CR2: variants seen among roughly 807,000 people sequenced by gnomAD.
The protein encoded by CR2 is complement C3d receptor 2, also known as complement receptor type 2.
In CR2, 96 loss-of-function variants were observed where a neutral mutation model predicts 123.0. The observed-to-expected ratio is 0.78, with a 90% CI of 0.66 to 0.93. The LOEUF (loss-of-function observed/expected upper bound fraction) is 0.93, where lower values mean the gene tolerates loss of function less well. Ranked by LOEUF, CR2 falls within the 40% of genes least tolerant of loss-of-function variation. CR2 has a pLI of 0.00. For missense variants in CR2, 1,258 were observed against 1,361.0 expected, an observed-to-expected ratio of 0.92 and a Z score of 1.19; for synonymous variants, 484 against 469.5, an observed-to-expected ratio of 1.03 and a Z score of -0.40.
intron 1 of CR2, among the ~76,000 whole-genome samples, chr1:207,462,390 T>C (rs1368935463): frequency 6.6e-6 from 1 of 152,136 alleles, no homozygotes; most frequent in Non-Finnish European, 1.5e-5. Context: ...TGCAAGAACA[T>C]GATGTCTCTG....
At chr1:207,459,483 C>G (rs967735085) in intron 1 of CR2, among the ~76,000 whole-genome samples, 3 of 152,088 alleles carry the variant, frequency 2.0e-5, no homozygotes, top group African/African-American at 7.2e-5. Context: ...TGCTTTCTGA[C>G]TAAAATTTCA....
chr1:207,471,648 A>G (rs2102304893), intron 9 of CR2, 149 bp downstream of exon 9: 4 of 687,488 alleles, frequency 5.8e-6, no homozygotes, highest in East Asian at 5.5e-5. Flanking sequence ...CAGTTTTACC[A>G]TGTCTTTCTT....
At chr1:207,465,874 G>A (rs1658085820) in intron 1 of CR2, among the ~76,000 whole-genome samples, 1 of 152,166 alleles carries the variant, frequency 6.6e-6, no homozygotes, top group African/African-American at 2.4e-5. Flanking sequence ...CTCAAGTCAG[G>A]ACAAATCACC....
At chr1:207,469,440 T>C (rs1159146577) in intron 5 of CR2, among the ~76,000 whole-genome samples, 1 of 152,210 alleles carries the variant, frequency 6.6e-6, no homozygotes, top group Non-Finnish European at 1.5e-5. Flanking sequence ...TATGCAGACC[T>C]TCTAAGTAGG....
chr1:207,468,744 A>G, intron 3 of CR2, 29 bp downstream of exon 3: 1 of 1,613,854 alleles, frequency 6.2e-7, no homozygotes, highest in South Asian at 1.1e-5. Context: ...CTATTTTAAG[A>G]ATCTGGGCTG....
rs1173666662 is a variant in CR2 at position 207,469,164 on chromosome 1, G to A, written c.749G>A (p.Gly250Asp). The A allele has an allele frequency of 1.9e-6, 3 of 1,613,804 alleles. No individual in the cohort carries two copies. Among genetic ancestry groups the A allele is most frequent in the Non-Finnish European group, 2.5e-6 (3 of 1,179,836 alleles). ...FFCDEGYRLQ[G>D]PPSSRCVIAG... ...TCTGTCTCCAGGTATCGACTGCAAG[G>A]CCCACCTTCTAGTCGGTGTGTAATT... Residue 250 changes from glycine to aspartate, a missense_variant, in exon 5 of 20, where the codon GGC (glycine) becomes GAC (aspartate). Gly to Asp is a moderately conservative substitution (Grantham distance 94). Coordinates refer to ENST00000367057, the MANE Select transcript of CR2 (RefSeq NM_001006658.3).
At chr1:207,480,864 C>G (rs901868175) in intron 18 of CR2, among the ~76,000 whole-genome samples, 4 of 151,568 alleles carry the variant, frequency 2.6e-5, no homozygotes, top group African/African-American at 9.7e-5. Flanking sequence ...TAGGACTTTC[C>G]TCTCTATTCT....
intron 9 of CR2, chr1:207,471,864 T>A: frequency 1.2e-5 from 4 of 328,724 alleles, no homozygotes; most frequent in South Asian, 1.1e-4. Context: ...TGTGAGACCT[T>A]GGACCACTTG....
At chr1:207,478,210 G>A in intron 16 of CR2, 140 bp downstream of exon 16, 1 of 943,078 alleles carries the variant, frequency 1.1e-6, no homozygotes, top group Non-Finnish European at 1.6e-6. Flanking sequence ...GGAACTTGAA[G>A]TCAGTGGTCT....
intron 1 of CR2, among the ~76,000 whole-genome samples, chr1:207,462,302 T>C (rs1227526375): frequency 2.6e-5 from 4 of 152,102 alleles, no homozygotes; most frequent in South Asian, 4.1e-4. Flanking sequence ...GAGAAATAAA[T>C]CATAAATGCT....
chr1:207,469,251 G>T lies in CR2; in HGVS notation c.817+19G>T, dbSNP rs778859257. ...TGTGAAGGTAGGCTAGGCAACTATG[G>T]TCTGACAGCACTGCATTCTCAGCTT... On this transcript the variant is annotated intron_variant, in intron 5 of 19. Coordinates refer to ENST00000367057, the MANE Select transcript of CR2 (RefSeq NM_001006658.3). The T allele has an allele frequency of 6.3e-7, 1 of 1,593,124 alleles. No homozygotes were observed.
rs1658357810 is a variant in CR2 at position 207,473,827 on chromosome 1, C to A, written c.2182C>A (p.Leu728Ile). 1 of 1,613,860 alleles carries A rather than the reference C, an allele frequency of 6.2e-7. No homozygotes were observed. The highest frequency in any genetic ancestry group is 1.3e-5 in the African/African-American group (1 of 74,916). ...EETCQHVRQS[L>I]QELPAGSRVE... Reference sequence around the variant, plus strand: ...AACATGCCAGCATGTGAGACAGAGTCTTCAAGAACTTCCAGCTGGTTCACG... The same window carrying A: ...AACATGCCAGCATGTGAGACAGAGTATTCAAGAACTTCCAGCTGGTTCACG... The change falls in exon 12 of 20, where the codon CTT becomes ATT. Residue 728 changes from leucine to isoleucine, a missense_variant. Physicochemically the swap from Leu to Ile is conservative, Grantham distance 5. Transcript: ENST00000367057.
chr1:207,477,531 G>A (rs1295515219), intron 15 of CR2, among the ~76,000 whole-genome samples: 1 of 152,188 alleles, frequency 6.6e-6, no homozygotes, highest in Non-Finnish European at 1.5e-5. Context: ...TGAAGAATTA[G>A]AGAGTAAAAC....
chr1:207,473,404 C>T (rs905355973), intron 10 of CR2, 141 bp from the exon 11 acceptor site: 40 of 1,119,656 alleles, frequency 3.6e-5, no homozygotes, highest in Non-Finnish European at 4.8e-5. Flanking sequence ...TTTTAAAGAG[C>T]AAACAGCATT....
At chr1:207,470,227 C>G (rs1308568611) in intron 6 of CR2, 125 bp downstream of exon 6, 1 of 1,061,076 alleles carries the variant, frequency 9.4e-7, no homozygotes, top group Admixed American at 2.3e-5. Flanking sequence ...TACATCTAAT[C>G]AATATAAATT....
chr1:207,454,554 G>T lies in CR2; in HGVS notation c.58+78G>T. ...TTTCTGTGCCGCGATGCAAAGCAGG[G>T]GGCCAAAAGCGAGACGGTGGGGGCA... On this transcript the variant is annotated intron_variant, in intron 1 of 19. Transcript: ENST00000367057. This position sits in a 1 kb window ranked among gnomAD's most constrained non-coding sequence, Gnocchi z 4.3. 8.5e-7 allele frequency: 1 copy of T among 1,176,080 alleles called. No individual in the cohort carries two copies. Among genetic ancestry groups the T allele is most frequent in the Admixed American group, 2.5e-5 (1 of 39,606 alleles). The allele number at this position is 1,176,080 out of a possible 1,614,324, so 72.9% of individuals were successfully genotyped here.
chr1:207,473,900 G>C lies in CR2; in HGVS notation c.2240+15G>C. ...TGCCAAGATGGGTGAGTATGAAGTG[G>C]TCTATTCTGAGAAAAGGTCTCAACC... On this transcript the variant is annotated intron_variant, in intron 12 of 19. Transcript: ENST00000367057. 1 of 1,611,542 alleles carries C rather than the reference G, an allele frequency of 6.2e-7. No homozygotes were observed. The highest frequency in any genetic ancestry group is 8.5e-7 in the Non-Finnish European group (1 of 1,178,138).
At position 207,474,838 on chromosome 1, in the gene CR2, C is replaced by T; in HGVS notation, c.2338C>T (p.Pro780Ser). 1 of 1,613,958 alleles carries T rather than the reference C, an allele frequency of 6.2e-7. No individual in the cohort carries two copies. Among genetic ancestry groups the T allele is most frequent in the Non-Finnish European group, 8.5e-7 (1 of 1,179,924 alleles). ...CTCTTCTGCAGTTATTCACTGTCAC[C>T]CTCCACCAGTGATTGTCAATGGGAA... The part of the protein sequence containing the change: ...IPLCKVIHCH[P>S]PPVIVNGKHT... Residue 780 changes from proline (P) to serine (S), a missense_variant, in exon 14 of 20, where the codon CCT (proline) becomes TCT (serine). Transcript: ENST00000367057.
chr1:207,474,354 G>A (rs756197270), intron 13 of CR2, 31 bp downstream of exon 13: 3 of 1,481,118 alleles, frequency 2.0e-6, no homozygotes, highest in African/African-American at 1.4e-5. Context: ...GCCTGACAAT[G>A]GTAATGGAGG....
Sources: gnomAD v4.1 joint callset for allele counts (sites outside exome capture counted in the v4.1 genomes callset) on GRCh38, gnomAD v4.1.1 for gene constraint, Gnocchi (gnomAD v3.1) non-coding constraint, MANE v1.5 for transcripts, NCBI Gene and HGNC (gene_info 2026-07-23, HGNC 2026-07-21) for gene names.